MTDH: variants seen among roughly 807,000 people sequenced by gnomAD.
MTDH encodes protein LYRIC.
A neutral mutation model predicts 72.7 loss-of-function variants in MTDH; 34 were observed. The observed-to-expected ratio is 0.47, with a 90% confidence interval of 0.36 to 0.62. MTDH has a LOEUF of 0.62. MTDH is among the 20% of genes least tolerant of loss of function. The pLI is 0.00. For synonymous variants in MTDH, 266 were observed against 268.9 expected, an observed-to-expected ratio of 0.99 and a Z score of 0.10; for missense variants, 677 against 699.4, an observed-to-expected ratio of 0.97 and a Z score of 0.36.
At chr8:97,677,180 CAAAAAAAAAAAAAAAAA>C (rs71271142) in intron 2 of MTDH, among the ~76,000 whole-genome samples, 1 of 44,104 alleles carries the variant, frequency 2.3e-5, no homozygotes, top group African/African-American at 1.1e-4. Context: ...AAGCCTGTCT[CAAAAAAAAAAAAAAAAA>C]AAAAAAAAAA....
chr8:97,661,927 A>AG (rs1342198843), intron 2 of MTDH, among the ~76,000 whole-genome samples: 8 of 151,844 alleles, frequency 5.3e-5, no homozygotes, highest in African/African-American at 1.9e-4. Context: ...TCAAAAAAAA[A>AG]AAAAAAAGAA....
At chr8:97,687,688 C>A in intron 4 of MTDH, 83 bp downstream of exon 4, 1 of 1,223,506 alleles carries the variant, frequency 8.2e-7, no homozygotes, top group Non-Finnish European at 1.1e-6. Context: ...ATGTCAAAAT[C>A]TGACTATTTT....
chr8:97,668,560 CTT>C (rs559554186), intron 2 of MTDH, among the ~76,000 whole-genome samples: 1 of 147,816 alleles, frequency 6.8e-6, no homozygotes, highest in Non-Finnish European at 1.5e-5. Flanking sequence ...ACTGTAACAA[CTT>C]TTTTTTTTTG....
At chr8:97,714,930 A>AT (rs1814799252) in intron 9 of MTDH, among the ~76,000 whole-genome samples, 1 of 151,828 alleles carries the variant, frequency 6.6e-6, no homozygotes, top group African/African-American at 2.4e-5. Flanking sequence ...GGTTCAAGCG[A>AT]TTCTCCTGCC....
intron 10 of MTDH, among the ~76,000 whole-genome samples, chr8:97,721,786 G>C (rs2131087461): frequency 6.6e-6 from 1 of 152,254 alleles, no homozygotes; most frequent in Middle Eastern, 3.4e-3. Flanking sequence ...CTGCTTCCAG[G>C]CTGTAGAGAA....
chr8:97,645,045 A>G (rs2130900295), intron 1 of MTDH, among the ~76,000 whole-genome samples, 158 bp downstream of exon 1: 1 of 152,288 alleles, frequency 6.6e-6, no homozygotes, highest in East Asian at 1.9e-4. Flanking sequence ...ATAGGTGGTC[A>G]TGTTATTTGG....
At chr8:97,678,670 C>G (rs904838025) in intron 2 of MTDH, among the ~76,000 whole-genome samples, 1 of 145,268 alleles carries the variant, frequency 6.9e-6, no homozygotes, top group Non-Finnish European at 1.5e-5. Flanking sequence ...AACTCCTGGC[C>G]TCAAACAATC....
rs376916227 is a variant in MTDH at position 97,670,825 on chromosome 8, C to T, written c.483+9652C>T. ...AGGCTGGAGTGCAATGGTGCAATCT[C>T]GGGTCACTGCAACCTCCGCCACCTG... On this transcript the variant is annotated intron_variant, in intron 2 of 11. Coordinates refer to ENST00000336273, the MANE Select transcript of MTDH (RefSeq NM_178812.4). Among the ~76,000 whole-genome samples, 16 of 150,456 alleles carry T rather than the reference C, an allele frequency of 1.1e-4. No homozygotes were observed. In the East Asian group the frequency reaches 2.9e-3, roughly 27 times the overall value.
intron 2 of MTDH, among the ~76,000 whole-genome samples, chr8:97,663,603 G>T (rs1812257038): frequency 6.6e-6 from 1 of 151,972 alleles, no homozygotes; most frequent in African/African-American, 2.4e-5. Flanking sequence ...AAAAAAATTA[G>T]CCAGGCGTGG....
intron 10 of MTDH, among the ~76,000 whole-genome samples, chr8:97,720,138 G>T (rs141060893): frequency 2.0e-5 from 3 of 151,978 alleles, no homozygotes; most frequent in East Asian, 3.9e-4. Context: ...TACAAAAATT[G>T]GCCAGGTGTG....
intron 6 of MTDH, among the ~76,000 whole-genome samples, chr8:97,698,867 G>A (rs1187881892): frequency 6.6e-6 from 1 of 152,228 alleles, no homozygotes; most frequent in Non-Finnish European, 1.5e-5. Flanking sequence ...TGTAGGCAGG[G>A]CACAGTGGTT....
At chr8:97,714,045 G>A (rs1814746698) in intron 9 of MTDH, among the ~76,000 whole-genome samples, 1 of 152,142 alleles carries the variant, frequency 6.6e-6, no homozygotes, top group Non-Finnish European at 1.5e-5. Flanking sequence ...AATGGGAAAA[G>A]AGATACAGTA....
chr8:97,670,271 G>A (rs1049593784), intron 2 of MTDH, among the ~76,000 whole-genome samples: 2 of 152,182 alleles, frequency 1.3e-5, no homozygotes, highest in Admixed American at 6.6e-5. Context: ...AGCTGAGATC[G>A]TGGCACTGCC....
intron 2 of MTDH, among the ~76,000 whole-genome samples, chr8:97,667,792 G>A (rs535760742): frequency 7.7e-6 from 1 of 130,276 alleles, no homozygotes; most frequent in African/African-American, 2.9e-5. Flanking sequence ...ATGAGTTCAA[G>A]ACTAGCCTGG....
At chr8:97,702,917 A>G (rs1245572843) in intron 7 of MTDH, among the ~76,000 whole-genome samples, 2 of 152,248 alleles carry the variant, frequency 1.3e-5, no homozygotes, top group East Asian at 1.9e-4. Flanking sequence ...CCTTTTGAAA[A>G]GAAAACCAGT....
intron 1 of MTDH, among the ~76,000 whole-genome samples, chr8:97,648,460 G>T (rs564971195): frequency 6.6e-6 from 1 of 151,928 alleles, no homozygotes; most frequent in East Asian, 1.9e-4. Flanking sequence ...TCAACTGGAA[G>T]CACATAATCA....
Position 97,664,949 on chromosome 8 carries a change from C to T in MTDH, c.483+3776C>T, listed in dbSNP as rs555035602. Among the ~76,000 whole-genome samples, 6 of 152,120 alleles carry T rather than the reference C, an allele frequency of 3.9e-5. No individual in the cohort carries two copies. The East Asian group carries it at 1.2e-3, about 29-fold the overall frequency. ...CTATTTTTTGTATTTTTAGTAGAGA[C>T]GGGGTTTCACCACATTGACCAAGGC... is the stretch of plus-strand genomic sequence containing the variant. On this transcript the variant is annotated intron_variant, in intron 2 of 11. Transcript: ENST00000336273.
At chr8:97,704,798 T>C (rs544942185) in intron 7 of MTDH, among the ~76,000 whole-genome samples, 27 of 152,318 alleles carry the variant, frequency 1.8e-4, no homozygotes, top group African/African-American at 6.3e-4. Flanking sequence ...ATGTATTATA[T>C]ATTCCTGTTA....
chr8:97,653,283 C>A (rs549205304), intron 1 of MTDH, among the ~76,000 whole-genome samples: 1 of 152,128 alleles, frequency 6.6e-6, no homozygotes, highest in African/African-American at 2.4e-5. Context: ...AAACAATATC[C>A]TAATTTCTAG....
Sources: allele counts gnomAD v4.1 joint callset (sites outside exome capture counted in the v4.1 genomes callset), GRCh38; gene constraint gnomAD v4.1.1; transcripts MANE v1.5; gene names NCBI Gene and HGNC (gene_info 2026-07-23, HGNC 2026-07-21).